The following MEIS1 variants were observed in gnomAD, a reference collection of about 807,000 sequenced individuals.
MEIS1 encodes homeobox protein Meis1.
In MEIS1, 5 loss-of-function variants were observed where a neutral mutation model predicts 50.8. That is an observed-to-expected ratio of 0.10 (90% CI 0.05 to 0.21). The LOEUF (loss-of-function observed/expected upper bound fraction) is 0.21. Ranked by LOEUF, MEIS1 falls within the 10% of genes least tolerant of loss-of-function variation. The pLI, the probability that MEIS1 is intolerant of heterozygous loss-of-function variation, is 1.00. For missense variants in MEIS1, 318 were observed against 517.3 expected (o/e 0.61, Z 3.74); for synonymous variants, 176 against 179.3 (o/e 0.98, Z 0.15).
At chr2:66,545,607 T>A (rs1437754169) in intron 8 of MEIS1, among the ~76,000 whole-genome samples, 1 of 152,210 alleles carries the variant, frequency 6.6e-6, no homozygotes, top group Non-Finnish European at 1.5e-5. Flanking sequence ...GACATAGACC[T>A]ACTGTATATC....
At chr2:66,445,575 G>C (rs573572578) in intron 6 of MEIS1, among the ~76,000 whole-genome samples, 21 of 152,218 alleles carry the variant, frequency 1.4e-4, no homozygotes, top group Middle Eastern at 3.2e-3. Flanking sequence ...TGCGCTCCGG[G>C]ACTGGGCGCT....
intron 7 of MEIS1, among the ~76,000 whole-genome samples, chr2:66,503,806 G>A (rs866491539): frequency 2.8e-5 from 4 of 145,222 alleles, no homozygotes; most frequent in Non-Finnish European, 4.5e-5. Context: ...GTGCAATGGC[G>A]CGATCTTGGC....
At chr2:66,445,984 C>T (rs1385808402) in intron 6 of MEIS1, among the ~76,000 whole-genome samples, 2 of 152,136 alleles carry the variant, frequency 1.3e-5, no homozygotes, top group Admixed American at 6.5e-5. Context: ...CTCCTGGGCG[C>T]CCTCTCCTGA....
chr2:66,492,158 A>G (rs190467765), intron 7 of MEIS1, among the ~76,000 whole-genome samples: 121 of 151,034 alleles, frequency 8.0e-4, no homozygotes, highest in Admixed American at 1.9e-3. Context: ...TTCCTCTATT[A>G]CATGCATACT....
At chr2:66,445,184 C>T (rs1672098128) in intron 6 of MEIS1, 1 of 152,256 alleles carries the variant, frequency 6.6e-6, no homozygotes, top group Non-Finnish European at 1.5e-5. Context: ...TAAGAGTGGG[C>T]TTCGAAGCTT....
intron 7 of MEIS1, among the ~76,000 whole-genome samples, chr2:66,509,344 T>C (rs1477720074): frequency 2.0e-5 from 3 of 152,226 alleles, no homozygotes; most frequent in Non-Finnish European, 4.4e-5. Flanking sequence ...TTTCTGAACA[T>C]GCACCAGTAT....
At chr2:66,547,635 T>C (rs1318023180) in intron 8 of MEIS1, among the ~76,000 whole-genome samples, 3 of 152,184 alleles carry the variant, frequency 2.0e-5, no homozygotes, top group African/African-American at 7.2e-5. Context: ...CTTGTCCTTA[T>C]TTTAATCCTA....
intron 8 of MEIS1, among the ~76,000 whole-genome samples, chr2:66,529,423 A>G (rs1674335914): frequency 6.6e-6 from 1 of 152,076 alleles, no homozygotes; most frequent in Non-Finnish European, 1.5e-5. Flanking sequence ...TTTGTCATTT[A>G]TTTGTTTATC....
chr2:66,438,049 T>C (rs761254112), intron 2 of MEIS1, 86 bp downstream of exon 2: 20 of 1,205,048 alleles, frequency 1.7e-5, no homozygotes, highest in Middle Eastern at 3.9e-4. Context: ...AAGTCAGAGT[T>C]CTCTGGATTG....
At chr2:66,475,336 G>A (rs1028009531) in intron 7 of MEIS1, among the ~76,000 whole-genome samples, 3 of 143,614 alleles carry the variant, frequency 2.1e-5, no homozygotes, top group African/African-American at 5.1e-5. Context: ...TTTATATATT[G>A]TATATATTTA....
intron 1 of MEIS1, among the ~76,000 whole-genome samples, chr2:66,436,099 A>G (rs1671790273): frequency 6.6e-6 from 1 of 152,206 alleles, no homozygotes; most frequent in Non-Finnish European, 1.5e-5. Context: ...ACCAGCAGCT[A>G]TATAAATAAA....
At chr2:66,476,302 C>T (rs1672890443) in intron 7 of MEIS1, among the ~76,000 whole-genome samples, 1 of 151,974 alleles carries the variant, frequency 6.6e-6, no homozygotes. Flanking sequence ...CATCCTGGCA[C>T]CAAAAACATC....
intron 6 of MEIS1, among the ~76,000 whole-genome samples, chr2:66,462,473 G>A (rs1672541761): frequency 6.6e-6 from 1 of 152,174 alleles, no homozygotes; most frequent in Non-Finnish European, 1.5e-5. Flanking sequence ...ATATTTTCAA[G>A]TGGGATTTGT....
Position 66,572,472 on chromosome 2 carries a change from A to G in MEIS1, c.*1264A>G, listed in dbSNP as rs943320807. 11 of 151,538 alleles carry G rather than the reference A, an allele frequency of 7.3e-5. No individual in the cohort carries two copies. Among genetic ancestry groups the G allele is most frequent in the African/African-American group, 2.4e-4 (10 of 41,254 alleles). 9.4% of individuals were successfully genotyped at this position (151,538 alleles called of 1,614,324 possible). On this transcript the variant is annotated 3_prime_UTR_variant, in exon 13 of 13. Coordinates refer to ENST00000272369, the MANE Select transcript of MEIS1 (RefSeq NM_002398.3). ...TGGAAAAATGAACTGTATTATTGCA[A>G]TTTTTTTTTGTAAAAGTAGCAGTTT...
intron 8 of MEIS1, among the ~76,000 whole-genome samples, chr2:66,515,162 A>G (rs1673934615): frequency 6.6e-6 from 1 of 152,210 alleles, no homozygotes; most frequent in Non-Finnish European, 1.5e-5. Context: ...AAAGCCATTG[A>G]AATTCTGGCT....
intron 2 of MEIS1, chr2:66,439,286 G>C (rs930403417): frequency 7.4e-6 from 8 of 1,087,260 alleles, no homozygotes; most frequent in Non-Finnish European, 8.9e-6. Context: ...CCGGCTCTCC[G>C]AGGGCCTTGG....
chr2:66,516,334 G>A (rs6721478), intron 8 of MEIS1, among the ~76,000 whole-genome samples: 2,450 of 152,128 alleles, frequency 0.016, 69 homozygotes, highest in African/African-American at 0.056. Flanking sequence ...AAGCATTCAC[G>A]GGTCAATATC....
intron 7 of MEIS1, among the ~76,000 whole-genome samples, chr2:66,501,699 T>G (rs1315968813): frequency 6.6e-6 from 1 of 152,022 alleles, no homozygotes; most frequent in Admixed American, 6.5e-5. Flanking sequence ...TGGTGTATGT[T>G]GTATGTGTCC....
At chr2:66,443,956 TTCTCTC>T (rs748071541) in intron 6 of MEIS1, among the ~76,000 whole-genome samples, 1 of 152,100 alleles carries the variant, frequency 6.6e-6, no homozygotes, top group Non-Finnish European at 1.5e-5. Context: ...CTGTGGGGAT[TTCTCTC>T]TCTCTGTCAC....
Sources: allele counts gnomAD v4.1 joint callset (sites outside exome capture counted in the v4.1 genomes callset), GRCh38; gene constraint gnomAD v4.1.1; transcripts MANE v1.5; gene names NCBI Gene and HGNC (gene_info 2026-07-23, HGNC 2026-07-21).